EMP2: variants seen among roughly 807,000 people sequenced by gnomAD.
EMP2 encodes the protein epithelial membrane protein 2.
A neutral mutation model predicts 13.7 loss-of-function variants in EMP2; 19 were observed. That is an observed-to-expected ratio of 1.38 (90% confidence interval 0.97 to 2.03). The LOEUF (loss-of-function observed/expected upper bound fraction) is 2.03. Ranked by LOEUF, EMP2 falls within the 30% of genes most tolerant of loss-of-function variation. The probability of loss-of-function intolerance (pLI) is 0.00; values close to 1 mark genes in which losing one functional copy is unlikely to be tolerated. For missense variants in EMP2, 253 were observed against 220.7 expected (o/e 1.15, Z -0.93); for synonymous variants, 97 against 84.7 (o/e 1.15, Z -0.80).
chr16:10,543,061 G>C (rs1361795725), intron 3 of EMP2, among the ~76,000 whole-genome samples: 1 of 152,170 alleles, frequency 6.6e-6, no homozygotes, highest in Non-Finnish European at 1.5e-5. Context: ...GACCAGGCTG[G>C]TCTCAAACTC....
chr16:10,536,929 G>A (rs1000132027), intron 4 of EMP2, among the ~76,000 whole-genome samples: 1 of 152,162 alleles, frequency 6.6e-6, no homozygotes, highest in Non-Finnish European at 1.5e-5. Context: ...ACCAGAGGAT[G>A]GTCCCAGGCA....
chr16:10,561,386 G>C (rs2050870217), intron 1 of EMP2, among the ~76,000 whole-genome samples: 1 of 152,204 alleles, frequency 6.6e-6, no homozygotes, highest in Non-Finnish European at 1.5e-5. Context: ...ACAGGTGGCA[G>C]ACAAAGCCAC....
chr16:10,538,786 G>A (rs2050670711), intron 3 of EMP2, among the ~76,000 whole-genome samples: 1 of 152,038 alleles, frequency 6.6e-6, no homozygotes, highest in South Asian at 2.1e-4. Flanking sequence ...TTACCTTCGT[G>A]GGCCTCAGTT....
intron 1 of EMP2, among the ~76,000 whole-genome samples, chr16:10,548,101 G>T (rs7206559): frequency 0.031 from 4,706 of 152,226 alleles, 111 homozygotes; most frequent in Admixed American, 0.054. Flanking sequence ...ATCTTTACTC[G>T]CCTGGAGACT....
intron 1 of EMP2, among the ~76,000 whole-genome samples, chr16:10,578,903 C>G (rs932011433): frequency 7.2e-5 from 11 of 152,256 alleles, no homozygotes; most frequent in African/African-American, 2.7e-4. Flanking sequence ...CATCCACGCC[C>G]TGTTTTCCCC....
chr16:10,574,120 T>A (rs572667994), intron 1 of EMP2, among the ~76,000 whole-genome samples: 31 of 152,008 alleles, frequency 2.0e-4, no homozygotes, highest in African/African-American at 7.5e-4. Context: ...GTATTTTTGG[T>A]AGAGATGGGG....
At chr16:10,564,817 C>T (rs996897280) in intron 1 of EMP2, among the ~76,000 whole-genome samples, 3 of 152,176 alleles carry the variant, frequency 2.0e-5, no homozygotes, top group Non-Finnish European at 4.4e-5. Context: ...ACATTTCAGG[C>T]ACTGTCCCAG....
In EMP2 at chr16:10,547,663, C is replaced by T. The variant is rs756265443; in HGVS notation, c.-46G>A. ...CGAGGCGAGGGGTCACGTTTAAAGC[C>T]CAGAGCGGGATGTGCTGAAGAGGGT... On this transcript the variant is annotated 5_prime_UTR_variant, in exon 2 of 5. Transcript: ENST00000359543. 6.3e-7 allele frequency: 1 copy of T among 1,593,112 alleles called. No individual in the cohort carries two copies. The highest frequency in any genetic ancestry group is 1.7e-5 in the Admixed American group (1 of 59,608).
At chr16:10,575,274 G>C (rs1473917633) in intron 1 of EMP2, among the ~76,000 whole-genome samples, 2 of 35,740 alleles carry the variant, frequency 5.6e-5, no homozygotes, top group Admixed American at 1.1e-3. Context: ...TTTTTTTTGA[G>C]ACAGAGTCTC....
intron 4 of EMP2, among the ~76,000 whole-genome samples, 166 bp from the exon 5 acceptor site, chr16:10,533,258 G>C (rs2050622166): frequency 6.6e-6 from 1 of 152,114 alleles, no homozygotes; most frequent in Non-Finnish European, 1.5e-5. Flanking sequence ...GGCTGGTCTT[G>C]AACTCCTGAG....
chr16:10,571,677 T>C (rs34105489), intron 1 of EMP2, among the ~76,000 whole-genome samples: 7 of 152,238 alleles, frequency 4.6e-5, no homozygotes, highest in South Asian at 4.1e-4. Context: ...TGCAAGGCCA[T>C]AGTGGCTGCA....
chr16:10,533,088 C>A lies in EMP2; in HGVS notation c.321G>T (p.Leu107=), dbSNP rs765993236. ...LTSIIQLMSC[L]CVMIAASIYT... ...AAATGGAGGCCGCAATCATGACACACAGACCTGTCAGGAAGAAAGGTGAAT... is the reference window on the plus strand; with the variant it reads ...AAATGGAGGCCGCAATCATGACACAAAGACCTGTCAGGAAGAAAGGTGAAT... Residue 107 remains leucine (L), a synonymous_variant, in exon 5 of 5, where the codon CTG becomes CTT. Transcript: ENST00000359543. 1.9e-6 allele frequency: 3 copies of A among 1,565,326 alleles called. No homozygotes were observed. The African/African-American group carries it at 4.1e-5, about 21-fold the overall frequency.
At chr16:10,541,406 G>GT (rs1567202041) in intron 3 of EMP2, among the ~76,000 whole-genome samples, 1 of 151,542 alleles carries the variant, frequency 6.6e-6, no homozygotes, top group African/African-American at 2.4e-5. Context: ...TGTTTTTAGG[G>GT]GTGTGTGTGT....
At chr16:10,560,344 G>A (rs1402072454) in intron 1 of EMP2, among the ~76,000 whole-genome samples, 4 of 152,204 alleles carry the variant, frequency 2.6e-5, no homozygotes, top group Non-Finnish European at 5.9e-5. Context: ...ACCGCCGCAC[G>A]CAGGGTAGTA....
rs181664580 is a variant in EMP2 at position 10,543,563 on chromosome 16, C to T, written c.169+7G>A. On this transcript the variant is annotated splice_region_variant and intron_variant, in intron 3 of 4. Transcript: ENST00000359543. Reference sequence around the variant, plus strand: ...CTTCTCAGTCAGCTTCCTTCATTCACACTTACCTTGAAAGCTGTCATTGAT... The same window carrying T: ...CTTCTCAGTCAGCTTCCTTCATTCATACTTACCTTGAAAGCTGTCATTGAT... 125 of 1,614,096 alleles carry T rather than the reference C, an allele frequency of 7.7e-5. No individual in the cohort carries two copies. The highest frequency in any genetic ancestry group is 3.5e-4 in the Admixed American group (21 of 60,032).
chr16:10,560,972 G>A (rs1176627932), intron 1 of EMP2, among the ~76,000 whole-genome samples: 1 of 152,218 alleles, frequency 6.6e-6, no homozygotes, highest in Non-Finnish European at 1.5e-5. Flanking sequence ...AAGCAGAAAA[G>A]GCATGATCTG....
intron 1 of EMP2, chr16:10,576,849 C>G (rs1159129424): frequency 6.6e-6 from 1 of 152,282 alleles, no homozygotes; most frequent in Non-Finnish European, 1.5e-5. Context: ...TCTCCTCCAG[C>G]CTCCTTCCTC....
chr16:10,533,024 T>A lies in EMP2; in HGVS notation c.385A>T (p.Lys129Ter). The A allele has an allele frequency of 6.2e-7, 1 of 1,611,604 alleles. No individual in the cohort carries two copies. Among genetic ancestry groups the A allele is most frequent in the Non-Finnish European group, 8.5e-7 (1 of 1,178,812 alleles). Reference sequence around the variant, plus strand: ...CCTTCTCTGGTCACGGGATAGAATTTCGCGTTTTTGTCGTGAATGTCTTCA... The same window carrying A: ...CCTTCTCTGGTCACGGGATAGAATTACGCGTTTTTGTCGTGAATGTCTTCA... ...RREDIHDKNA[K>*]FYPVTREGSY... Residue 129 changes from lysine to a stop codon, truncating the protein, a stop_gained, in exon 5 of 5, where the codon AAA becomes TAA. Transcript: ENST00000359543. LOFTEE classifies it low-confidence loss of function (END_TRUNC).
At chr16:10,565,073 C>G (rs2050898207) in intron 1 of EMP2, among the ~76,000 whole-genome samples, 1 of 152,146 alleles carries the variant, frequency 6.6e-6, no homozygotes, top group South Asian at 2.1e-4. Context: ...TATTTCTTTG[C>G]TAAAACAGGA....
Sources: allele counts gnomAD v4.1 joint callset (sites outside exome capture counted in the v4.1 genomes callset), GRCh38; gene constraint gnomAD v4.1.1; transcripts MANE v1.5; gene names NCBI Gene and HGNC (gene_info 2026-07-23, HGNC 2026-07-21).